Variants in FRMD3 observed in about 807,000 individuals in gnomAD.
FRMD3 encodes FERM domain containing 3.
FRMD3 carries 33 observed loss-of-function variants against 70.2 expected under a neutral mutation model. The ratio of observed to expected loss-of-function variants is 0.47; its 90% CI spans 0.36 to 0.63. FRMD3 has a LOEUF of 0.63. Ranked by LOEUF, FRMD3 falls within the 20% of genes least tolerant of loss-of-function variation. The pLI is 0.00. For missense variants in FRMD3, 632 were observed against 711.4 expected (o/e 0.89, Z 1.27); for synonymous variants, 279 against 255.9 (o/e 1.09, Z -0.86).
intron 3 of FRMD3, among the ~76,000 whole-genome samples, chr9:83,362,795 C>CGCTT (rs1405183906): frequency 1.3e-5 from 2 of 148,472 alleles, no homozygotes; most frequent in African/African-American, 5.1e-5. Flanking sequence ...TTCCCTCCTT[C>CGCTT]CTTCCTTTTT....
intron 13 of FRMD3, among the ~76,000 whole-genome samples, chr9:83,263,974 A>G (rs1264115949): frequency 6.6e-6 from 1 of 152,256 alleles, no homozygotes; most frequent in African/African-American, 2.4e-5. Flanking sequence ...TGGCCTTGAT[A>G]CATTGAAAAT....
chr9:83,453,003 C>T (rs1036842957), intron 1 of FRMD3, among the ~76,000 whole-genome samples: 3 of 151,920 alleles, frequency 2.0e-5, no homozygotes, highest in African/African-American at 7.3e-5. Context: ...TACAGTCATG[C>T]ACCACCACAC....
Position 83,467,680 on chromosome 9 carries a change from C to T in FRMD3, c.147+70405G>A, listed in dbSNP as rs72746818. ...CCAAGACAAAAAGGATTTGCAGTGC[C>T]GTGATCTGCTAGTGCCTTAAAATAC... is the stretch of plus-strand genomic sequence containing the variant. On this transcript the variant is annotated intron_variant, in intron 1 of 13. Coordinates refer to ENST00000304195, the MANE Select transcript of FRMD3 (RefSeq NM_174938.6). 8,724 of 1,535,086 alleles carry T rather than the reference C, an allele frequency of 5.7e-3. 34 individuals are homozygous for T. Among genetic ancestry groups the T allele is most frequent in the Non-Finnish European group, 6.9e-3 (7,944 of 1,146,532 alleles).
the FRMD3 span, among the ~76,000 whole-genome samples, chr9:83,552,463 A>C: frequency 6.6e-6 from 1 of 152,258 alleles, no homozygotes; most frequent in South Asian, 2.1e-4. Context: ...TTTGGGGTGA[A>C]GACTTCTATA....
chr9:83,327,925 C>T (rs1485896526), intron 6 of FRMD3, among the ~76,000 whole-genome samples: 2 of 152,098 alleles, frequency 1.3e-5, no homozygotes, highest in Non-Finnish European at 2.9e-5. Context: ...GACATTATCT[C>T]TCGCAAATCC....
At chr9:83,394,305 A>T (rs1371697398) in intron 1 of FRMD3, among the ~76,000 whole-genome samples, 1 of 152,184 alleles carries the variant, frequency 6.6e-6, no homozygotes, top group Non-Finnish European at 1.5e-5. Context: ...CCTGGGCTAC[A>T]GACTCACTGA....
intron 1 of FRMD3, among the ~76,000 whole-genome samples, chr9:83,438,386 C>T (rs1442813730): frequency 6.7e-6 from 1 of 149,186 alleles, no homozygotes; most frequent in Non-Finnish European, 1.5e-5. Context: ...TTTCTACCCA[C>T]TCTACCTGTC....
chr9:83,280,335 G>C (rs1219671335), intron 13 of FRMD3, among the ~76,000 whole-genome samples: 1 of 152,196 alleles, frequency 6.6e-6, no homozygotes, highest in Non-Finnish European at 1.5e-5. Context: ...CTCAAGTGCA[G>C]TCCAGCACCT....
At chr9:83,567,922 G>T in the FRMD3 span, among the ~76,000 whole-genome samples, 12 of 152,260 alleles carry the variant, frequency 7.9e-5, no homozygotes, top group African/African-American at 2.9e-4. Flanking sequence ...CTGTTACCCA[G>T]TTCCAAAGTC....
At chr9:83,421,187 G>A (rs939413178) in intron 1 of FRMD3, among the ~76,000 whole-genome samples, 2 of 151,688 alleles carry the variant, frequency 1.3e-5, no homozygotes, top group East Asian at 3.9e-4. Context: ...TGATCCGCCC[G>A]CCTCTGCCTC....
chr9:83,404,304 T>C (rs1008556030), intron 1 of FRMD3, among the ~76,000 whole-genome samples: 1 of 152,234 alleles, frequency 6.6e-6, no homozygotes, highest in Non-Finnish European at 1.5e-5. Context: ...TAGAGGAAGA[T>C]TGATGTGAAT....
At chr9:83,454,616 GT>G (rs1827766608) in intron 1 of FRMD3, among the ~76,000 whole-genome samples, 1 of 152,128 alleles carries the variant, frequency 6.6e-6, no homozygotes, top group South Asian at 2.1e-4. Flanking sequence ...TTTATTTCTG[GT>G]TGTTGAGAAA....
chr9:83,247,045 T>A lies in FRMD3; in HGVS notation c.*873A>T, dbSNP rs1424970712. ...TTTTTCCTTTAAACTCTCACTTTCT[T>A]TTTAAAACATCTGCTTCTCCAGCCA... On this transcript the variant is annotated 3_prime_UTR_variant, in exon 14 of 14. Transcript: ENST00000304195. 1.0e-6 allele frequency: 1 copy of A among 985,288 alleles called. No individual in the cohort carries two copies. Among genetic ancestry groups the A allele is most frequent in the African/African-American group, 1.7e-5 (1 of 57,224 alleles). 61.0% of individuals were successfully genotyped at this position (985,288 alleles called of 1,614,324 possible).
intron 1 of FRMD3, among the ~76,000 whole-genome samples, chr9:83,422,853 A>G (rs1284544678): frequency 6.6e-6 from 1 of 152,252 alleles, no homozygotes; most frequent in Non-Finnish European, 1.5e-5. Flanking sequence ...GGAGTCTTAA[A>G]GTTACAGAAC....
At chr9:83,459,617 G>A (rs1165350760) in intron 1 of FRMD3, among the ~76,000 whole-genome samples, 1 of 152,220 alleles carries the variant, frequency 6.6e-6, no homozygotes, top group African/African-American at 2.4e-5. Context: ...CAACAGGGGA[G>A]AGAAACTGAT....
At chr9:83,496,982 C>T (rs942473051) in intron 1 of FRMD3, among the ~76,000 whole-genome samples, 14 of 151,974 alleles carry the variant, frequency 9.2e-5, no homozygotes, top group East Asian at 1.9e-4. Context: ...GGTGTGGTGG[C>T]GGGCACCTGT....
intron 1 of FRMD3, among the ~76,000 whole-genome samples, chr9:83,419,595 G>T (rs1826569465): frequency 6.6e-6 from 1 of 151,696 alleles, no homozygotes; most frequent in Non-Finnish European, 1.5e-5. Flanking sequence ...GTGTTCATGT[G>T]TGCTGCGTGT....
intron 1 of FRMD3, among the ~76,000 whole-genome samples, chr9:83,430,466 C>T (rs1360235159): frequency 6.6e-6 from 1 of 152,148 alleles, no homozygotes; most frequent in Non-Finnish European, 1.5e-5. Flanking sequence ...TGACAAAGAC[C>T]TAAGGCAGAC....
chr9:83,330,086 G>A (rs990725804), intron 6 of FRMD3, among the ~76,000 whole-genome samples: 2 of 152,068 alleles, frequency 1.3e-5, no homozygotes, highest in East Asian at 1.9e-4. Flanking sequence ...GAGGACTGGC[G>A]AGGCATGGTG....
Sources: allele counts gnomAD v4.1 joint callset (sites outside exome capture counted in the v4.1 genomes callset), GRCh38; gene constraint gnomAD v4.1.1; transcripts MANE v1.5; gene names NCBI Gene and HGNC (gene_info 2026-07-23, HGNC 2026-07-21).